The following ZGPAT variants were observed in gnomAD, a reference collection of about 807,000 sequenced individuals.
The protein encoded by ZGPAT is zinc finger CCCH-type and G-patch domain containing.
In ZGPAT, 39 loss-of-function variants were observed where a neutral mutation model predicts 47.9. The ratio of observed to expected loss-of-function variants is 0.81; its 90% CI spans 0.63 to 1.06. The LOEUF (loss-of-function observed/expected upper bound fraction) is 1.06. ZGPAT is among the 50% of genes least tolerant of loss of function. ZGPAT has a pLI of 0.00. For missense variants in ZGPAT, 717 were observed against 681.4 expected (o/e 1.05, Z -0.58); for synonymous variants, 348 against 292.9 (o/e 1.19, Z -1.92).
intron 2 of ZGPAT, among the ~76,000 whole-genome samples, chr20:63,721,522 T>G (rs1392373549): frequency 6.6e-6 from 1 of 152,124 alleles, no homozygotes; most frequent in African/African-American, 2.4e-5. Flanking sequence ...GTTGAGGGCC[T>G]CCTCAGGTGT....
At chr20:63,718,766 A>T (rs2091757520) in intron 2 of ZGPAT, among the ~76,000 whole-genome samples, 1 of 151,598 alleles carries the variant, frequency 6.6e-6, no homozygotes, top group African/African-American at 2.4e-5. Flanking sequence ...TTCTTTCAAG[A>T]CTTTAAAAAT....
At chr20:63,719,061 A>G (rs2738759) in intron 2 of ZGPAT, among the ~76,000 whole-genome samples, 142,319 of 150,326 alleles carry the variant, frequency 0.95, 67,413 homozygotes, top group East Asian at 1. Flanking sequence ...GCGAGACTCC[A>G]TCTCAAAAAA....
At position 63,736,070 on chromosome 20, in the gene ZGPAT, C is replaced by A; in HGVS notation, c.*151C>A. ...AGAGCTGCGGGGTCCCATCTGGACACTTACTTGCCCACCTGCCAGTGTCTT... is the reference window on the plus strand; with the variant it reads ...AGAGCTGCGGGGTCCCATCTGGACAATTACTTGCCCACCTGCCAGTGTCTT... On this transcript the variant is annotated 3_prime_UTR_variant, in exon 7 of 7. Transcript: ENST00000355969. 1 of 1,103,758 alleles carries A rather than the reference C, an allele frequency of 9.1e-7. No homozygotes were observed. The highest frequency in any genetic ancestry group is 1.3e-6 in the Non-Finnish European group (1 of 782,310). The allele number at this position is 1,103,758 out of a possible 1,614,324, so 68.4% of individuals were successfully genotyped here.
intron 2 of ZGPAT, among the ~76,000 whole-genome samples, chr20:63,710,851 T>C (rs964082846): frequency 2.0e-5 from 3 of 152,204 alleles, no homozygotes; most frequent in Admixed American, 1.3e-4. Flanking sequence ...TATGAACAAT[T>C]ATTACTGTAA....
At chr20:63,733,002 A>G (rs1051423231) in intron 2 of ZGPAT, among the ~76,000 whole-genome samples, 6 of 149,112 alleles carry the variant, frequency 4.0e-5, no homozygotes, top group Non-Finnish European at 7.5e-5. Flanking sequence ...GCGTGTGTAT[A>G]TGTGCATGTG....
intron 2 of ZGPAT, among the ~76,000 whole-genome samples, chr20:63,722,714 C>T (rs2091800810): frequency 6.6e-6 from 1 of 151,420 alleles, no homozygotes; most frequent in African/African-American, 2.4e-5. Context: ...CTCACTGCAA[C>T]CTCCGCCTCC....
chr20:63,710,819 TA>T (rs1420632269), intron 2 of ZGPAT, among the ~76,000 whole-genome samples: 4 of 152,364 alleles, frequency 2.6e-5, no homozygotes, highest in African/African-American at 9.6e-5. Flanking sequence ...CATTTAATGG[TA>T]ATACCTCTTC....
chr20:63,710,782 G>GT lies in ZGPAT; in HGVS notation c.584+1619dup, dbSNP rs757433717. Among the ~76,000 whole-genome samples the GT allele has an allele frequency of 2.6e-5, 4 of 152,196 alleles. No individual in the cohort carries two copies. In the East Asian group the frequency reaches 7.7e-4, roughly 29 times the overall value. On this transcript the variant is annotated intron_variant, in intron 2 of 6. Coordinates refer to ENST00000355969, the MANE Select transcript of ZGPAT (RefSeq NM_181485.3). ...AAGTCCGATGTGAGGACAAAAAAGA[G>GT]TAACTTCTGTGTCATAATAGGTAAC... is the stretch of plus-strand genomic sequence containing the variant.
intron 2 of ZGPAT, among the ~76,000 whole-genome samples, chr20:63,719,763 G>A (rs945678800): frequency 4.8e-5 from 7 of 147,220 alleles, no homozygotes; most frequent in East Asian, 3.9e-4. Flanking sequence ...TTTTTGAAGC[G>A]GGGTTTCACT....
At chr20:63,734,469 C>A in intron 4 of ZGPAT, 1 of 735,686 alleles carries the variant, frequency 1.4e-6, no homozygotes, top group Non-Finnish European at 2.2e-6. Context: ...GTGGGGACTG[C>A]CATGCACTCT....
Position 63,735,182 on chromosome 20 carries a change from CG to C in ZGPAT, c.1018del (p.Val340TrpfsTer71). The C allele has an allele frequency of 6.6e-7, 1 of 1,524,816 alleles. No individual in the cohort carries two copies. Among genetic ancestry groups the C allele is most frequent in the Non-Finnish European group, 8.8e-7 (1 of 1,136,348 alleles). 94.5% of individuals were successfully genotyped at this position (1,524,816 alleles called of 1,614,324 possible). ...AGGTTTGGGCCGACACGCGGAAGGC[CG>C]GGTGGAGCCCATCCATGCTGTGGTG... ...GKGLGRHAEG[R>X]VEPIHAVVLP... is the part of the protein sequence containing the mutation. On this transcript the variant is annotated frameshift_variant, in exon 6 of 7. Transcript: ENST00000355969. LOFTEE classifies it high-confidence loss of function.
At chr20:63,726,029 A>T in intron 2 of ZGPAT, among the ~76,000 whole-genome samples, 1 of 151,118 alleles carries the variant, frequency 6.6e-6, no homozygotes. Context: ...AGTAGAGACG[A>T]GGTTTCACCA....
At chr20:63,728,037 C>CT (rs11483917) in intron 2 of ZGPAT, among the ~76,000 whole-genome samples, 31,340 of 133,244 alleles carry the variant, frequency 0.24, 4,135 homozygotes, top group East Asian at 0.58. Flanking sequence ...TTTTTAAATT[C>CT]TTTTTTTTTT....
chr20:63,713,981 C>T (rs913761744), intron 2 of ZGPAT, among the ~76,000 whole-genome samples: 12 of 151,046 alleles, frequency 7.9e-5, no homozygotes, highest in East Asian at 7.8e-4. Flanking sequence ...TTAGGATTTT[C>T]GATATATACA....
At chr20:63,708,289 C>T (rs1479860620) in intron 1 of ZGPAT, 171 bp downstream of exon 1, 6 of 200,768 alleles carry the variant, frequency 3.0e-5, no homozygotes, top group South Asian at 1.7e-4. Context: ...CGGGTGGGCT[C>T]GGCGGAGGGT....
At chr20:63,730,951 TC>T (rs1470318685) in intron 2 of ZGPAT, among the ~76,000 whole-genome samples, 6 of 147,450 alleles carry the variant, frequency 4.1e-5, no homozygotes, top group African/African-American at 1.6e-4. Context: ...TCTCTCTCTC[TC>T]TCTCTCTCTC....
At chr20:63,731,269 GTGTC>G (rs1338352952) in intron 2 of ZGPAT, among the ~76,000 whole-genome samples, 3 of 149,846 alleles carry the variant, frequency 2.0e-5, no homozygotes, top group Admixed American at 1.3e-4. Flanking sequence ...GAGAATGCGG[GTGTC>G]TGTGTGTGTG....
In ZGPAT at chr20:63,733,501, C is replaced by G. The variant is rs879093033; in HGVS notation, c.719-86C>G. 3 of 1,610,238 alleles carry G rather than the reference C, an allele frequency of 1.9e-6. No individual in the cohort carries two copies. In the African/African-American group the frequency reaches 4.0e-5, roughly 21 times the overall value. On this transcript the variant is annotated intron_variant, in intron 3 of 6. Coordinates refer to ENST00000355969, the MANE Select transcript of ZGPAT (RefSeq NM_181485.3). ...AGCACACCTACCCTCAGCCTCTGCC[C>G]TGCCTTGCTCCTCATGTCCAGGGTG...
Position 63,733,319 on chromosome 20 carries a change from C to T in ZGPAT, c.685C>T (p.Gln229Ter). Residue 229 changes from glutamine (Q) to a stop codon, truncating the protein, a stop_gained, in exon 3 of 7, where the codon CAG becomes TAG. Transcript: ENST00000355969. LOFTEE classifies it high-confidence loss of function. ...QAGSACLAKH[Q>*]DGLWHAARIT... The stretch of plus-strand genomic sequence containing the variant: ...CGGCTCTGCGTGTCTGGCCAAGCAC[C>T]AGGATGGCCTCTGGCACGCAGCACG... The T allele has an allele frequency of 6.2e-7, 1 of 1,613,126 alleles. No homozygotes were observed. Among genetic ancestry groups the T allele is most frequent in the Non-Finnish European group, 8.5e-7 (1 of 1,179,944 alleles).
Sources: allele counts gnomAD v4.1 joint callset (sites outside exome capture counted in the v4.1 genomes callset), GRCh38; gene constraint gnomAD v4.1.1; transcripts MANE v1.5; gene names NCBI Gene and HGNC (gene_info 2026-07-23, HGNC 2026-07-21).